CNTN4: variants seen among roughly 807,000 people sequenced by gnomAD.
CNTN4 encodes the protein contactin 4, also known as contactin-4.
In CNTN4, 77 loss-of-function variants were observed where a neutral mutation model predicts 122.5. The ratio of observed to expected loss-of-function variants is 0.63; its 90% CI spans 0.52 to 0.76. CNTN4 has a LOEUF of 0.76. Among genes scored for constraint, CNTN4 ranks in the 30% least tolerant of loss-of-function variants. The pLI, the probability that CNTN4 is intolerant of heterozygous loss-of-function variation, is 0.00. For missense variants in CNTN4, 1,256 were observed against 1,259.1 expected (o/e 1.00, Z 0.04); for synonymous variants, 512 against 447.0 (o/e 1.15, Z -1.83).
At chr3:2,428,846 G>T (rs1348113472) in intron 3 of CNTN4, among the ~76,000 whole-genome samples, 9 of 152,054 alleles carry the variant, frequency 5.9e-5, no homozygotes, top group Admixed American at 3.9e-4. Flanking sequence ...CTGATACCCT[G>T]TCTTCCAGTT....
At chr3:3,020,401 C>T (rs541070670) in intron 14 of CNTN4, among the ~76,000 whole-genome samples, 2 of 152,038 alleles carry the variant, frequency 1.3e-5, no homozygotes, top group African/African-American at 2.4e-5. Context: ...AGCTTAATGT[C>T]GAAGAAAGAA....
chr3:2,115,359 C>T (rs970161134), intron 2 of CNTN4, among the ~76,000 whole-genome samples: 2 of 152,188 alleles, frequency 1.3e-5, no homozygotes, highest in African/African-American at 2.4e-5. Context: ...CTATTCCATG[C>T]GCTCTCCATA....
chr3:2,681,940 C>T (rs561091645), intron 4 of CNTN4, among the ~76,000 whole-genome samples: 1 of 152,146 alleles, frequency 6.6e-6, no homozygotes, highest in South Asian at 2.1e-4. Flanking sequence ...TTTCCAGATA[C>T]CTTGGGAACA....
intron 13 of CNTN4, among the ~76,000 whole-genome samples, chr3:2,930,899 C>T (rs796480325): frequency 3.9e-5 from 6 of 152,308 alleles, no homozygotes; most frequent in South Asian, 2.1e-4. Context: ...AATTTTTCAA[C>T]AATCCTGAGG....
intron 2 of CNTN4, among the ~76,000 whole-genome samples, chr3:2,307,675 C>G (rs1221384318): frequency 6.6e-6 from 1 of 151,994 alleles, no homozygotes; most frequent in Non-Finnish European, 1.5e-5. Flanking sequence ...ATCAAATGAT[C>G]ATGTGGCTTT....
chr3:2,535,559 A>G (rs900097142), intron 3 of CNTN4, among the ~76,000 whole-genome samples: 4 of 152,172 alleles, frequency 2.6e-5, no homozygotes, highest in Non-Finnish European at 5.9e-5. Context: ...CTTTTTGTTC[A>G]CAGTACTTGG....
chr3:2,513,911 A>G (rs2149092549), intron 3 of CNTN4, among the ~76,000 whole-genome samples: 1 of 152,276 alleles, frequency 6.6e-6, no homozygotes, highest in East Asian at 1.9e-4. Context: ...ATAAATTTAA[A>G]GTGCTATGAA....
At chr3:2,943,014 T>C (rs1361697780) in intron 13 of CNTN4, among the ~76,000 whole-genome samples, 1 of 152,180 alleles carries the variant, frequency 6.6e-6, no homozygotes, top group Non-Finnish European at 1.5e-5. Flanking sequence ...TGCAAGATTA[T>C]AATTGCTGGC....
At chr3:2,289,519 A>T (rs930397293) in intron 2 of CNTN4, among the ~76,000 whole-genome samples, 6 of 152,190 alleles carry the variant, frequency 3.9e-5, no homozygotes, top group Admixed American at 3.3e-4. Context: ...CGTTGCTGTT[A>T]ATATATGAGA....
At chr3:2,260,793 T>A (rs1396995329) in intron 2 of CNTN4, among the ~76,000 whole-genome samples, 1 of 151,300 alleles carries the variant, frequency 6.6e-6, no homozygotes, top group African/African-American at 2.4e-5. Context: ...AGTGGTGTGA[T>A]CTCGGCTCAC....
intron 5 of CNTN4, among the ~76,000 whole-genome samples, chr3:2,744,049 A>G (rs1429130685): frequency 2.0e-5 from 3 of 152,160 alleles, no homozygotes; most frequent in Admixed American, 6.5e-5. Context: ...TCCTGGGCTC[A>G]AGAGACCTGC....
At chr3:2,626,894 A>G (rs550729467) in intron 4 of CNTN4, among the ~76,000 whole-genome samples, 2 of 152,330 alleles carry the variant, frequency 1.3e-5, no homozygotes, top group South Asian at 4.1e-4. Flanking sequence ...CATTTACCAC[A>G]TCACAGGGAT....
intron 14 of CNTN4, among the ~76,000 whole-genome samples, chr3:2,989,624 T>C (rs7613278): frequency 0.23 from 35,579 of 152,092 alleles, 4,551 homozygotes; most frequent in African/African-American, 0.33. Flanking sequence ...AAATTGGAAG[T>C]CCAAGAGTTA....
At chr3:2,497,494 C>T (rs1002149730) in intron 3 of CNTN4, among the ~76,000 whole-genome samples, 4 of 152,166 alleles carry the variant, frequency 2.6e-5, no homozygotes, top group African/African-American at 9.7e-5. Context: ...ATTTAATGTC[C>T]TGTGCTCATG....
intron 6 of CNTN4, among the ~76,000 whole-genome samples, chr3:2,768,151 C>G (rs1002460347): frequency 6.6e-6 from 1 of 152,152 alleles, no homozygotes; most frequent in Admixed American, 6.5e-5. Context: ...GGAAATTAAA[C>G]ATCACAAATG....
At chr3:2,360,384 T>A (rs1008625809) in intron 3 of CNTN4, among the ~76,000 whole-genome samples, 2 of 152,214 alleles carry the variant, frequency 1.3e-5, no homozygotes, top group Admixed American at 1.3e-4. Flanking sequence ...TAAACAATTC[T>A]ATTTCATCTT....
At chr3:2,534,599 A>G (rs2077726479) in intron 3 of CNTN4, among the ~76,000 whole-genome samples, 1 of 151,716 alleles carries the variant, frequency 6.6e-6, no homozygotes, top group African/African-American at 2.4e-5. Context: ...TGAACTCTGG[A>G]TTCCTTCTGG....
intron 3 of CNTN4, among the ~76,000 whole-genome samples, chr3:2,566,441 C>T (rs2079162332): frequency 6.6e-6 from 1 of 152,186 alleles, no homozygotes; most frequent in African/African-American, 2.4e-5. Context: ...TGTAAGATCA[C>T]GTGGCAGGTC....
intron 12 of CNTN4, among the ~76,000 whole-genome samples, chr3:2,914,902 C>T (rs533408494): frequency 4.3e-4 from 66 of 152,286 alleles, no homozygotes; most frequent in African/African-American, 1.6e-3. Context: ...CTCAACTCAG[C>T]AGTACATTAA....
Sources: gnomAD v4.1 joint callset for allele counts (sites outside exome capture counted in the v4.1 genomes callset) on GRCh38, gnomAD v4.1.1 for gene constraint, MANE v1.5 for transcripts, NCBI Gene and HGNC (gene_info 2026-07-23, HGNC 2026-07-21) for gene names.